HAPLN1: variants seen among roughly 807,000 people sequenced by gnomAD.
HAPLN1 encodes Cartilage link protein.
A neutral mutation model predicts 36.5 loss-of-function variants in HAPLN1; 13 were observed. That is an observed-to-expected ratio of 0.36 (90% CI 0.23 to 0.57). HAPLN1 has a LOEUF of 0.57. Ranked by LOEUF, HAPLN1 falls within the 20% of genes least tolerant of loss-of-function variation. HAPLN1 has a pLI of 0.83. For synonymous variants in HAPLN1, 202 were observed against 169.8 expected (o/e 1.19, Z -1.48); for missense variants, 407 against 439.7 (o/e 0.93, Z 0.66).
chr5:83,643,290 C>T (rs1561298091), intron 4 of HAPLN1, among the ~76,000 whole-genome samples: 1 of 148,638 alleles, frequency 6.7e-6, no homozygotes, highest in Non-Finnish European at 1.5e-5. Flanking sequence ...GTGGAGGTTG[C>T]AGTGAGCCCA....
intron 1 of HAPLN1, among the ~76,000 whole-genome samples, chr5:83,690,287 G>A (rs543902227): frequency 6.6e-6 from 1 of 152,096 alleles, no homozygotes; most frequent in Admixed American, 6.6e-5. Flanking sequence ...TTATAATCTG[G>A]GCTTTGAAAA....
chr5:83,646,268 T>G (rs1423554653), intron 3 of HAPLN1, among the ~76,000 whole-genome samples: 2 of 152,242 alleles, frequency 1.3e-5, no homozygotes, highest in Admixed American at 6.5e-5. Context: ...CCTTGAATTT[T>G]TTAATATAAT....
intron 1 of HAPLN1, among the ~76,000 whole-genome samples, chr5:83,720,510 T>C (rs1480582101): frequency 6.6e-6 from 1 of 152,194 alleles, no homozygotes; most frequent in African/African-American, 2.4e-5. Flanking sequence ...ACCATGACCC[T>C]ACCAGATTTA....
At position 83,672,340 on chromosome 5, in the gene HAPLN1, A is replaced by G. The variant is rs538228434; in HGVS notation, c.100+1084T>C. 1.6e-4 allele frequency among the ~76,000 whole-genome samples: 25 copies of G among 152,332 alleles called. No homozygotes were observed. In the East Asian group the frequency reaches 4.4e-3, roughly 27 times the overall value. On this transcript the variant is annotated intron_variant, in intron 2 of 4. Coordinates refer to ENST00000274341, the MANE Select transcript of HAPLN1 (RefSeq NM_001884.4). ...TGGGAAACAGCTCTGATTCTACTATATATTACAGAAACAGCTGAGTCAGCA... is the reference window on the plus strand; with the variant it reads ...TGGGAAACAGCTCTGATTCTACTATGTATTACAGAAACAGCTGAGTCAGCA...
intron 2 of HAPLN1, 36 bp downstream of exon 2, chr5:83,673,388 A>G: frequency 7.1e-7 from 1 of 1,411,360 alleles, no homozygotes; most frequent in African/African-American, 1.5e-5. Context: ...ACTTAAAATT[A>G]ATTAGGCTTT....
At chr5:83,645,317 G>A (rs1749825900) in intron 3 of HAPLN1, among the ~76,000 whole-genome samples, 1 of 151,944 alleles carries the variant, frequency 6.6e-6, no homozygotes, top group South Asian at 2.1e-4. Context: ...CACTTAGGGG[G>A]GACTCTTATT....
chr5:83,687,744 C>A (rs1751166584), intron 1 of HAPLN1, among the ~76,000 whole-genome samples: 1 of 152,184 alleles, frequency 6.6e-6, no homozygotes, highest in Admixed American at 6.5e-5. Context: ...TTAACATATC[C>A]TATTCCTTCA....
chr5:83,714,556 G>A (rs1751875774), intron 1 of HAPLN1, among the ~76,000 whole-genome samples: 1 of 138,786 alleles, frequency 7.2e-6, no homozygotes, highest in Non-Finnish European at 1.6e-5. Flanking sequence ...ACACTGAAAT[G>A]TCTCTGAAAC....
At chr5:83,659,373 T>C (rs1363637902) in intron 2 of HAPLN1, among the ~76,000 whole-genome samples, 1 of 152,192 alleles carries the variant, frequency 6.6e-6, no homozygotes, top group Non-Finnish European at 1.5e-5. Context: ...GTGTGCTTCT[T>C]ACCATTTATG....
At chr5:83,686,590 C>T (rs921729041) in intron 1 of HAPLN1, among the ~76,000 whole-genome samples, 1 of 152,142 alleles carries the variant, frequency 6.6e-6, no homozygotes, top group African/African-American at 2.4e-5. Context: ...TCAGAGACAG[C>T]CATGCCACCT....
At chr5:83,673,251 T>C (rs1750773450) in intron 2 of HAPLN1, among the ~76,000 whole-genome samples, 173 bp downstream of exon 2, 2 of 152,150 alleles carry the variant, frequency 1.3e-5, no homozygotes, top group Non-Finnish European at 2.9e-5. Flanking sequence ...AATTCTTAAC[T>C]CTACTGTAAT....
intron 2 of HAPLN1, among the ~76,000 whole-genome samples, chr5:83,656,437 A>G (rs1024813518): frequency 1.6e-5 from 1 of 62,030 alleles, no homozygotes; most frequent in African/African-American, 1.3e-4. Flanking sequence ...GTATTGCTTT[A>G]AAAAAAAAAA....
At chr5:83,712,496 G>T (rs1207493293) in intron 1 of HAPLN1, among the ~76,000 whole-genome samples, 3 of 152,066 alleles carry the variant, frequency 2.0e-5, no homozygotes, top group African/African-American at 7.2e-5. Flanking sequence ...TAATGTCATA[G>T]TTATAAATGC....
intron 2 of HAPLN1, among the ~76,000 whole-genome samples, chr5:83,655,347 T>A (rs1472013562): frequency 6.6e-6 from 1 of 151,812 alleles, no homozygotes; most frequent in African/African-American, 2.4e-5. Context: ...TGTAGGTTTC[T>A]GATTTTGTTT....
intron 2 of HAPLN1, among the ~76,000 whole-genome samples, 173 bp from the exon 3 acceptor site, chr5:83,652,997 A>G (rs72771293): frequency 0.15 from 22,734 of 152,156 alleles, 2,164 homozygotes; most frequent in Non-Finnish European, 0.21. Flanking sequence ...TAATAACTAG[A>G]AGGTATCTCT....
intron 1 of HAPLN1, among the ~76,000 whole-genome samples, chr5:83,678,664 G>A (rs1410209863): frequency 2.6e-5 from 4 of 152,080 alleles, no homozygotes; most frequent in Admixed American, 1.3e-4. Context: ...CTCAATTATC[G>A]ATGGGTGGAA....
At chr5:83,683,430 G>A (rs911099075) in intron 1 of HAPLN1, among the ~76,000 whole-genome samples, 8 of 152,158 alleles carry the variant, frequency 5.3e-5, no homozygotes, top group African/African-American at 1.7e-4. Flanking sequence ...GAAAAACTAA[G>A]CTTCTCTCTT....
rs962040840 is a variant in HAPLN1 at position 83,686,116 on chromosome 5, C to G, written c.-26-12567G>C. 2.5e-4 allele frequency: 10 copies of G among 40,520 alleles called. No homozygotes were observed. In the East Asian group the frequency reaches 7.9e-3, roughly 32 times the overall value. The allele number at this position is 40,520 out of a possible 1,614,324, so 2.5% of individuals were successfully genotyped here. On this transcript the variant is annotated intron_variant, in intron 1 of 4. Transcript: ENST00000274341. ...ACTATCACCAATGACGGAGCCAAAA[C>G]AACAATTAGAGATATAAAATGTAGC...
At position 83,641,563 on chromosome 5, in the gene HAPLN1, C is replaced by A; in HGVS notation, c.998G>T (p.Arg333Leu). ...CTTTTTATCTGGGAAACCCACGAAG[C>A]GCACTGCAGCCTCAGTAGGACTGCA... ...RRCSPTEAAV[R>L]FVGFPDKKHK... Residue 333 changes from arginine to leucine, a missense_variant, in exon 5 of 5, where the codon CGC becomes CTC. Physicochemically the swap from Arg to Leu is moderately radical, Grantham distance 102. Transcript: ENST00000274341. 6.2e-7 allele frequency: 1 copy of A among 1,614,124 alleles called. No homozygotes were observed. The highest frequency in any genetic ancestry group is 1.1e-5 in the South Asian group (1 of 91,072).
Sources: allele counts gnomAD v4.1 joint callset (sites outside exome capture counted in the v4.1 genomes callset), GRCh38; gene constraint gnomAD v4.1.1; transcripts MANE v1.5; gene names NCBI Gene and HGNC (gene_info 2026-07-23, HGNC 2026-07-21).